The following ZNF227 variants were observed in gnomAD, a reference collection of about 807,000 sequenced individuals.
The protein encoded by ZNF227 is zinc finger protein 227.
A neutral mutation model predicts 13.2 loss-of-function variants in ZNF227; 12 were observed. That is an observed-to-expected ratio of 0.91 (90% confidence interval 0.58 to 1.47). The LOEUF (loss-of-function observed/expected upper bound fraction) is 1.47. ZNF227 is among the 40% of genes most tolerant of loss of function. The probability of loss-of-function intolerance (pLI) is 0.00; values close to 1 mark genes in which losing one functional copy is unlikely to be tolerated. For synonymous variants in ZNF227, 338 were observed against 326.0 expected (o/e 1.04, Z -0.40); for missense variants, 885 against 967.5 (o/e 0.91, Z 1.13).
At chr19:44,234,679 T>A in intron 5 of ZNF227, 23 bp from the exon 6 acceptor site, 1 of 1,548,278 alleles carries the variant, frequency 6.5e-7, no homozygotes, top group Non-Finnish European at 8.7e-7. Context: ...TCTCTAAATA[T>A]TGCCTTTTTT....
intron 2 of ZNF227, among the ~76,000 whole-genome samples, chr19:44,215,989 TA>T (rs1276832695): frequency 0.12 from 4,621 of 37,236 alleles, 30 homozygotes; most frequent in African/African-American, 0.16. Flanking sequence ...ACTCTCTCTC[TA>T]AAAAAAAAAA....
At chr19:44,223,100 C>G (rs1022198040) in intron 3 of ZNF227, among the ~76,000 whole-genome samples, 1 of 152,280 alleles carries the variant, frequency 6.6e-6, no homozygotes, top group Admixed American at 6.5e-5. Context: ...AGCCTTGCAT[C>G]CCAGGGATGA....
In ZNF227 at chr19:44,235,864, T is replaced by G. The variant is rs1454572129; in HGVS notation, c.1434T>G (p.Asp478Glu). Residue 478 changes from aspartate to glutamate, a missense_variant, in exon 6 of 6, where the codon GAT becomes GAG. By Grantham distance (45) the Asp-to-Glu change is conservative. Coordinates refer to ENST00000313040, the MANE Select transcript of ZNF227 (RefSeq NM_182490.3). ...GGAAAGGCTTTACCCGTAATACAGATCTGCATATTCATTTCAGAGTTCACA... is the reference window on the plus strand; with the variant it reads ...GGAAAGGCTTTACCCGTAATACAGAGCTGCATATTCATTTCAGAGTTCACA... ...ACGKGFTRNT[D>E]LHIHFRVHTG... 1.2e-6 allele frequency: 2 copies of G among 1,613,890 alleles called. No individual in the cohort carries two copies. Among genetic ancestry groups the G allele is most frequent in the Non-Finnish European group, 8.5e-7 (1 of 1,179,970 alleles).
intron 3 of ZNF227, among the ~76,000 whole-genome samples, chr19:44,223,653 CT>C (rs1158563971): frequency 6.6e-6 from 1 of 152,088 alleles, no homozygotes; most frequent in African/African-American, 2.4e-5. Context: ...ATTCTTCTCT[CT>C]TTTTTTCTTT....
At chr19:44,218,545 T>A (rs1339099509) in intron 3 of ZNF227, among the ~76,000 whole-genome samples, 1 of 152,252 alleles carries the variant, frequency 6.6e-6, no homozygotes, top group Non-Finnish European at 1.5e-5. Context: ...TTTTCCCGTT[T>A]ATGTTTTTAT....
At chr19:44,218,084 C>A (rs1031858351) in intron 3 of ZNF227, among the ~76,000 whole-genome samples, 1 of 152,142 alleles carries the variant, frequency 6.6e-6, no homozygotes, top group African/African-American at 2.4e-5. Flanking sequence ...TACTACCCTG[C>A]TTATGAACTA....
chr19:44,228,933 T>C, intron 4 of ZNF227: 1 of 323,390 alleles, frequency 3.1e-6, no homozygotes, highest in Admixed American at 4.9e-5. Flanking sequence ...AATTGGCCAG[T>C]CCAAAATAGT....
chr19:44,233,611 G>A (rs1246732203), intron 5 of ZNF227, among the ~76,000 whole-genome samples: 1 of 151,958 alleles, frequency 6.6e-6, no homozygotes, highest in East Asian at 1.9e-4. Context: ...GAAGGTGTAT[G>A]GCAGGCCGGG....
In ZNF227 at chr19:44,236,244, A is replaced by T. The variant is rs1974483301; in HGVS notation, c.1814A>T (p.Lys605Ile). 6.2e-7 allele frequency: 1 copy of T among 1,613,934 alleles called. No individual in the cohort carries two copies. Among genetic ancestry groups the T allele is most frequent in the Non-Finnish European group, 8.5e-7 (1 of 1,180,018 alleles). Residue 605 changes from lysine to isoleucine, a missense_variant, in exon 6 of 6, where the codon AAA becomes ATA. Transcript: ENST00000313040. ...QRVHSGEKPY[K>I]CEQCDKSFSQ... is the part of the protein sequence containing the mutation. ...GTTCACTCAGGAGAAAAACCCTATA[A>T]ATGTGAGCAGTGTGATAAGAGCTTC...
chr19:44,227,945 A>T (rs1446129668), intron 3 of ZNF227, among the ~76,000 whole-genome samples: 1 of 152,020 alleles, frequency 6.6e-6, no homozygotes, highest in Non-Finnish European at 1.5e-5. Context: ...AAACAATGAT[A>T]GGGCCAGGCT....
At chr19:44,228,163 G>A (rs199960336) in intron 3 of ZNF227, 12 of 238,632 alleles carry the variant, frequency 5.0e-5, no homozygotes, top group African/African-American at 2.3e-4. Flanking sequence ...CCCGGGAGGC[G>A]GAGGTTGCAG....
At chr19:44,207,851 C>G (rs1021299204), upstream of ZNF227, 1 of 152,346 alleles carries the variant, frequency 6.6e-6, no homozygotes, top group Non-Finnish European at 1.5e-5. Flanking sequence ...ACCTACTTGC[C>G]AGCTCTGCCA....
rs1437155661 is a variant in ZNF227 at position 44,213,136 on chromosome 19, A to T, written c.-111A>T. Reference sequence around the variant, plus strand: ...TGCGTGGGGATGTTTACCGCCGTTTATCCGGGATAGAGACTCCATCGTGCT... The same window carrying T: ...TGCGTGGGGATGTTTACCGCCGTTTTTCCGGGATAGAGACTCCATCGTGCT... On this transcript the variant is annotated 5_prime_UTR_variant, in exon 2 of 6. Transcript: ENST00000313040. 1 of 151,456 alleles carries T rather than the reference A, an allele frequency of 6.6e-6. No homozygotes were observed. The highest frequency in any genetic ancestry group is 2.4e-5 in the African/African-American group (1 of 41,124). 9.4% of individuals were successfully genotyped at this position (151,456 alleles called of 1,614,324 possible). A position where few individuals can be genotyped will look rare whatever the true frequency, so the allele number is the denominator to read the frequency against.
In ZNF227 at chr19:44,235,130, A is replaced by C. The variant is rs774358985; in HGVS notation, c.700A>C (p.Ile234Leu). The change falls in exon 6 of 6, where the codon ATC becomes CTC. Residue 234 changes from isoleucine to leucine, a missense_variant. Physicochemically the swap from Ile to Leu is conservative, Grantham distance 5. Transcript: ENST00000313040. ...CTGCAAAGGTAATGAATATGGCAAA[A>C]TCATTAGTGATGGCTCCAATCAGAA... is the stretch of plus-strand genomic sequence containing the variant. ...KPCKGNEYGK[I>L]ISDGSNQKLP... 5 of 1,614,076 alleles carry C rather than the reference A, an allele frequency of 3.1e-6. No homozygotes were observed. The highest frequency in any genetic ancestry group is 4.2e-6 in the Non-Finnish European group (5 of 1,180,042).
chr19:44,225,038 G>T (rs1256498512), intron 3 of ZNF227, among the ~76,000 whole-genome samples: 1 of 151,810 alleles, frequency 6.6e-6, no homozygotes, highest in Admixed American at 6.6e-5. Flanking sequence ...GCTTAGTTTG[G>T]CTGGATATGA....
Position 44,214,835 on chromosome 19 carries a change from A to G in ZNF227, c.-3+1591A>G, listed in dbSNP as rs531256701. ...AGAGTGTCTTAAAGCAGGAGTCCCA[A>G]CTTCTGGGCAGCGGACCTGGTACTA... is the stretch of plus-strand genomic sequence containing the variant. On this transcript the variant is annotated intron_variant, in intron 2 of 5. Transcript: ENST00000313040. Among the ~76,000 whole-genome samples the G allele has an allele frequency of 5.3e-4, 79 of 150,298 alleles. 1 individual carries two copies. The South Asian group carries it at 0.016, about 30-fold the overall frequency.
At chr19:44,208,835 A>C (rs946021366), upstream of ZNF227, among the ~76,000 whole-genome samples, 3 of 152,216 alleles carry the variant, frequency 2.0e-5, no homozygotes, top group Non-Finnish European at 2.9e-5. Flanking sequence ...TTATAGAAAT[A>C]ATGCATGACC....
chr19:44,211,388 A>G (rs1237684351), upstream of ZNF227, among the ~76,000 whole-genome samples: 1 of 152,240 alleles, frequency 6.6e-6, no homozygotes, highest in Non-Finnish European at 1.5e-5. Context: ...GAGAACTGCA[A>G]ACATGTACTG....
At chr19:44,234,674 A>T (rs1279084305) in intron 5 of ZNF227, 28 bp from the exon 6 acceptor site, 3 of 1,540,590 alleles carry the variant, frequency 1.9e-6, no homozygotes, top group Non-Finnish European at 2.6e-6. Context: ...CCTCATCTCT[A>T]AATATTGCCT....
Sources: allele counts gnomAD v4.1 joint callset (sites outside exome capture counted in the v4.1 genomes callset), GRCh38; gene constraint gnomAD v4.1.1; transcripts MANE v1.5; gene names NCBI Gene and HGNC (gene_info 2026-07-23, HGNC 2026-07-21).